GSG1L: variants seen among roughly 807,000 people sequenced by gnomAD.
GSG1L encodes the protein germ cell-specific gene 1-like protein.
Under a neutral mutation model 42.1 loss-of-function variants are expected in GSG1L, and 24 were observed. The observed-to-expected ratio is 0.57, with a 90% CI of 0.41 to 0.80. The LOEUF (loss-of-function observed/expected upper bound fraction) is 0.80. Ranked by LOEUF, GSG1L falls within the 30% of genes least tolerant of loss-of-function variation. The pLI is 0.00. For missense variants in GSG1L, 445 were observed against 472.2 expected (o/e 0.94, Z 0.53); for synonymous variants, 215 against 203.5 (o/e 1.06, Z -0.48).
At chr16:27,969,783 C>CT (rs896638454) in intron 1 of GSG1L, among the ~76,000 whole-genome samples, 3 of 152,158 alleles carry the variant, frequency 2.0e-5, no homozygotes, top group Admixed American at 1.3e-4. Flanking sequence ...AATTGCGACA[C>CT]TTTTTTCCAA....
chr16:27,807,571 AC>A lies in GSG1L; in HGVS notation c.831-18del. The A allele has an allele frequency of 6.2e-7, 1 of 1,605,864 alleles. No homozygotes were observed. Among genetic ancestry groups the A allele is most frequent in the Admixed American group, 1.7e-5 (1 of 59,624 alleles). On this transcript the variant is annotated intron_variant, in intron 5 of 6. Coordinates refer to ENST00000447459, the MANE Select transcript of GSG1L (RefSeq NM_001109763.2). ...TTCTCCATCCTGGAAAGAAAAAAAAACAAAAACAAAATCCTAGGTAGGAAAG... is the reference window on the plus strand; with the variant it reads ...TTCTCCATCCTGGAAAGAAAAAAAAAAAAAACAAAATCCTAGGTAGGAAAG...
intron 2 of GSG1L, among the ~76,000 whole-genome samples, chr16:27,939,429 C>A (rs2084760909): frequency 6.6e-6 from 1 of 152,114 alleles, no homozygotes; most frequent in Non-Finnish European, 1.5e-5. Context: ...GGCCAGCCCC[C>A]AAATTCTCAA....
chr16:27,913,844 A>T (rs1030526231), intron 2 of GSG1L, among the ~76,000 whole-genome samples: 7 of 152,268 alleles, frequency 4.6e-5, no homozygotes, highest in Admixed American at 3.3e-4. Context: ...TTATTTTAAA[A>T]TTTTTTTCTA....
chr16:28,061,269 G>A (rs2086336956), intron 1 of GSG1L, among the ~76,000 whole-genome samples: 1 of 152,226 alleles, frequency 6.6e-6, no homozygotes, highest in Non-Finnish European at 1.5e-5. Context: ...GGGTTGGGCT[G>A]TGCGGAAGGC....
chr16:27,878,346 T>A (rs1021061405), intron 3 of GSG1L, among the ~76,000 whole-genome samples: 1 of 152,158 alleles, frequency 6.6e-6, no homozygotes, highest in African/African-American at 2.4e-5. Context: ...CATGCCCTTC[T>A]TCACATGGCG....
In GSG1L at chr16:27,848,860, T is replaced by C. The variant is rs566509323; in HGVS notation, c.551-3799A>G. ...CATAGAGAGAAGCCTGGGCAAAGGC[T>C]GGGGCTGAAGGCTGGGAGGAAATGC... On this transcript the variant is annotated intron_variant, in intron 3 of 6. Coordinates refer to ENST00000447459, the MANE Select transcript of GSG1L (RefSeq NM_001109763.2). Among the ~76,000 whole-genome samples the C allele has an allele frequency of 5.9e-5, 9 of 151,950 alleles. No individual in the cohort carries two copies. The South Asian group carries it at 1.9e-3, about 32-fold the overall frequency.
chr16:27,946,901 C>T (rs753917800), intron 2 of GSG1L, among the ~76,000 whole-genome samples: 78 of 152,304 alleles, frequency 5.1e-4, no homozygotes, highest in Admixed American at 7.2e-4. Context: ...AGACGTTGTG[C>T]TAACTCCTCA....
intron 2 of GSG1L, among the ~76,000 whole-genome samples, chr16:27,893,283 A>G (rs1376676326): frequency 6.6e-6 from 1 of 152,204 alleles, no homozygotes; most frequent in Non-Finnish European, 1.5e-5. Context: ...ATGGGTTTGC[A>G]GAAATGATTT....
intron 1 of GSG1L, among the ~76,000 whole-genome samples, chr16:28,027,457 T>C (rs205381): frequency 0.87 from 132,946 of 152,190 alleles, 58,235 homozygotes; most frequent in South Asian, 0.92. Context: ...ATTTCCATAG[T>C]GAGCAGCACC....
intron 5 of GSG1L, chr16:27,823,884 T>C (rs1223364852): frequency 5.7e-6 from 4 of 702,856 alleles, no homozygotes; most frequent in Non-Finnish European, 1.0e-5. Context: ...CTGGGGCAAG[T>C]CGCCCTCCCT....
intron 6 of GSG1L, among the ~76,000 whole-genome samples, chr16:27,804,549 G>T (rs1469445832): frequency 6.6e-6 from 1 of 151,002 alleles, no homozygotes; most frequent in African/African-American, 2.4e-5. Context: ...CCGTTGTCTT[G>T]CCTGACTCCC....
intron 2 of GSG1L, among the ~76,000 whole-genome samples, chr16:27,961,153 A>C (rs2085066572): frequency 6.6e-6 from 1 of 152,214 alleles, no homozygotes; most frequent in Non-Finnish European, 1.5e-5. Flanking sequence ...ATGTGCACGC[A>C]TGTGTACACG....
chr16:28,056,001 AAAG>A (rs539691774), intron 1 of GSG1L, among the ~76,000 whole-genome samples: 168 of 151,752 alleles, frequency 1.1e-3, no homozygotes, highest in African/African-American at 3.8e-3. Context: ...AGCAGGGAAG[AAAG>A]AAGAACATCT....
chr16:28,046,393 A>T (rs2086159212), intron 1 of GSG1L, among the ~76,000 whole-genome samples: 1 of 118,330 alleles, frequency 8.5e-6, no homozygotes, highest in East Asian at 2.7e-4. Context: ...TAGTTCTGTC[A>T]CCCAGGCTGG....
At chr16:27,925,427 G>A (rs1013360777) in intron 2 of GSG1L, among the ~76,000 whole-genome samples, 1 of 152,130 alleles carries the variant, frequency 6.6e-6, no homozygotes, top group African/African-American at 2.4e-5. Context: ...GCTAGGTTGA[G>A]GACAAATTGG....
chr16:28,007,035 GC>G (rs1466412593), intron 1 of GSG1L, among the ~76,000 whole-genome samples: 4 of 152,120 alleles, frequency 2.6e-5, no homozygotes, highest in Non-Finnish European at 5.9e-5. Flanking sequence ...CCACCCATAG[GC>G]CCCTCCACCA....
intron 1 of GSG1L, among the ~76,000 whole-genome samples, chr16:27,968,328 C>A (rs2085157317): frequency 6.6e-6 from 1 of 152,156 alleles, no homozygotes. Context: ...TAGCTCACTG[C>A]AGCCTTGAAC....
At chr16:27,818,209 C>G (rs2083117235) in intron 5 of GSG1L, among the ~76,000 whole-genome samples, 1 of 152,232 alleles carries the variant, frequency 6.6e-6, no homozygotes, top group Admixed American at 6.5e-5. Context: ...CTTCCCGCCT[C>G]TGAAGCTCCC....
At chr16:27,921,226 T>C (rs1362415114) in intron 2 of GSG1L, among the ~76,000 whole-genome samples, 1 of 152,180 alleles carries the variant, frequency 6.6e-6, no homozygotes, top group Admixed American at 6.5e-5. Flanking sequence ...AAGTAGCTGC[T>C]GTCTTCAGCA....
Sources: allele counts gnomAD v4.1 joint callset (sites outside exome capture counted in the v4.1 genomes callset), GRCh38; gene constraint gnomAD v4.1.1; transcripts MANE v1.5; gene names NCBI Gene and HGNC (gene_info 2026-07-23, HGNC 2026-07-21).